SDHAF2: variants seen among roughly 807,000 people sequenced by gnomAD.
SDHAF2 encodes succinate dehydrogenase assembly factor 2, mitochondrial.
Under a neutral mutation model 18.5 loss-of-function variants are expected in SDHAF2, and 21 were observed. The ratio of observed to expected loss-of-function variants is 1.13; its 90% CI spans 0.80 to 1.63. SDHAF2 has a LOEUF of 1.63. Among genes scored for constraint, SDHAF2 ranks in the 40% most tolerant of loss-of-function variants. SDHAF2 has a pLI of 0.00. For synonymous variants in SDHAF2, 84 were observed against 70.7 expected, an observed-to-expected ratio of 1.19 and a Z score of -0.94; for missense variants, 195 against 200.3, an observed-to-expected ratio of 0.97 and a Z score of 0.16.
At chr11:61,444,737 G>A (rs1862117551) in intron 3 of SDHAF2, among the ~76,000 whole-genome samples, 1 of 151,986 alleles carries the variant, frequency 6.6e-6, no homozygotes, top group Non-Finnish European at 1.5e-5. Context: ...AGTGAGACTC[G>A]TCTCAAACAA....
At chr11:61,431,567 T>C (rs1231842791) in intron 1 of SDHAF2, 2 of 152,228 alleles carry the variant, frequency 1.3e-5, no homozygotes, top group Non-Finnish European at 2.9e-5. Flanking sequence ...ATTTGTGAAT[T>C]TTCCACCTTT....
intron 1 of SDHAF2, chr11:61,431,901 A>G (rs1048114466): frequency 6.6e-6 from 1 of 152,340 alleles, no homozygotes; most frequent in Non-Finnish European, 1.5e-5. Flanking sequence ...CGTGTTAGCC[A>G]GGATGGTCTC....
At chr11:61,442,563 G>C (rs185031173) in intron 3 of SDHAF2, among the ~76,000 whole-genome samples, 26 of 152,206 alleles carry the variant, frequency 1.7e-4, no homozygotes, top group Admixed American at 1.5e-3. Flanking sequence ...GTAGGCATTT[G>C]ATATTTATCG....
In SDHAF2 at chr11:61,446,364, A is replaced by G. The variant is rs191484676; in HGVS notation, c.*293A>G. On this transcript the variant is annotated 3_prime_UTR_variant, in exon 4 of 4. Transcript: ENST00000301761. ...AGAGGCAAGTCTGCCACGAGAGGGC[A>G]CTGCAGGCGAAGCAGTTGTGCTTGC... is the stretch of plus-strand genomic sequence containing the variant. 129 of 599,958 alleles carry G rather than the reference A, an allele frequency of 2.2e-4. No homozygotes were observed. In the African/African-American group the frequency reaches 2.2e-3, roughly 10 times the overall value. The allele number at this position is 599,958 out of a possible 1,614,324, so 37.2% of individuals were successfully genotyped here. A position where few individuals can be genotyped will look rare whatever the true frequency, so the allele number is the denominator to read the frequency against.
intron 1 of SDHAF2, chr11:61,430,444 C>T: frequency 1.8e-6 from 1 of 559,872 alleles, no homozygotes; most frequent in South Asian, 2.4e-5. Flanking sequence ...ACCTACGTCC[C>T]AGGCGGGATT....
intron 1 of SDHAF2, chr11:61,433,659 A>G (rs1861960875): frequency 6.6e-6 from 1 of 152,222 alleles, no homozygotes; most frequent in South Asian, 2.1e-4. Flanking sequence ...GCCCAGTCCT[A>G]GAGATTCTCA....
intron 1 of SDHAF2, chr11:61,437,017 G>A: frequency 8.6e-7 from 1 of 1,169,406 alleles, no homozygotes; most frequent in South Asian, 1.7e-5. Flanking sequence ...GCAAAGGAAG[G>A]AAAAATTATT....
intron 3 of SDHAF2, among the ~76,000 whole-genome samples, chr11:61,439,999 T>C (rs1862042643): frequency 6.6e-6 from 1 of 152,180 alleles, no homozygotes; most frequent in South Asian, 2.1e-4. Flanking sequence ...AGTGTATATG[T>C]TTAACTTTAT....
chr11:61,438,513 T>G (rs764569930), intron 3 of SDHAF2, among the ~76,000 whole-genome samples: 4 of 152,236 alleles, frequency 2.6e-5, no homozygotes, highest in Non-Finnish European at 4.4e-5. Flanking sequence ...ATTTTTTTCT[T>G]TTATTCATGA....
At chr11:61,439,820 A>G (rs993585859) in intron 3 of SDHAF2, among the ~76,000 whole-genome samples, 101 of 152,324 alleles carry the variant, frequency 6.6e-4, no homozygotes, top group African/African-American at 2.2e-3. Flanking sequence ...GTGTGGATGT[A>G]CCATGGTCTG....
intron 3 of SDHAF2, among the ~76,000 whole-genome samples, chr11:61,444,936 CATA>C (rs892496988): frequency 1.3e-5 from 2 of 152,022 alleles, no homozygotes; most frequent in African/African-American, 4.8e-5. Flanking sequence ...TGAGAAAAGT[CATA>C]ATATTTGTAA....
intron 1 of SDHAF2, 195 bp downstream of exon 1, chr11:61,430,377 G>A (rs1861852909): frequency 4.5e-6 from 3 of 664,312 alleles, no homozygotes; most frequent in East Asian, 2.7e-5. Flanking sequence ...ACTGTGTGCC[G>A]GTCTGGAAAT....
rs376497649 is a variant in SDHAF2 at position 61,442,929 on chromosome 11, T to C, written c.371-3012T>C. 1.6e-3 allele frequency among the ~76,000 whole-genome samples: 249 copies of C among 152,316 alleles called. 6 individuals carry two copies. The South Asian group carries it at 0.049, about 30-fold the overall frequency. ...CCGCCATGCCTGGCTAATTTTTTTG[T>C]ATTTTTCACAGAGACGGGTTTCACC... On this transcript the variant is annotated intron_variant, in intron 3 of 3. Transcript: ENST00000301761.
In SDHAF2 at chr11:61,437,673, A is replaced by T; in HGVS notation, c.85A>T (p.Thr29Ser). The change falls in exon 2 of 4, where the codon ACA (threonine) becomes TCA (serine). Residue 29 changes from threonine (T) to serine (S), a missense_variant. Transcript: ENST00000301761. ...HSLLSPLLSV[T>S]SFRRFYRGDS... ...CCTATTGTCTCCTTTGCTCAGTGTG[A>T]CATCATTCAGACGCTTCTACAGAGG... 6.2e-7 allele frequency: 1 copy of T among 1,614,208 alleles called. No individual in the cohort carries two copies. Among genetic ancestry groups the T allele is most frequent in the Middle Eastern group, 1.6e-4 (1 of 6,062 alleles).
chr11:61,441,685 A>G (rs964206357), intron 3 of SDHAF2, among the ~76,000 whole-genome samples: 1 of 152,138 alleles, frequency 6.6e-6, no homozygotes, highest in Non-Finnish European at 1.5e-5. Context: ...TTGGTGTTCC[A>G]CATCTTTACC....
At position 61,446,212 on chromosome 11, in the gene SDHAF2, C is replaced by A; in HGVS notation, c.*141C>A. The A allele has an allele frequency of 1.1e-6, 1 of 888,102 alleles. No individual in the cohort carries two copies. Among genetic ancestry groups the A allele is most frequent in the Non-Finnish European group, 1.9e-6 (1 of 535,300 alleles). 55.0% of individuals were successfully genotyped at this position (888,102 alleles called of 1,614,324 possible). On this transcript the variant is annotated 3_prime_UTR_variant, in exon 4 of 4. Transcript: ENST00000301761. Reference sequence around the variant, plus strand: ...GTCCTGCCTCAAGTGATGGACATAACCCTCTCCTAGGACATACATGTAAAT... The same window carrying A: ...GTCCTGCCTCAAGTGATGGACATAAACCTCTCCTAGGACATACATGTAAAT...
intron 3 of SDHAF2, among the ~76,000 whole-genome samples, chr11:61,442,583 G>T (rs1288540988): frequency 6.6e-6 from 1 of 152,046 alleles, no homozygotes; most frequent in African/African-American, 2.4e-5. Context: ...GTGCTTTTGG[G>T]TTCTCTGGGC....
intron 3 of SDHAF2, among the ~76,000 whole-genome samples, chr11:61,441,625 T>G (rs1172938675): frequency 6.6e-6 from 1 of 151,922 alleles, no homozygotes; most frequent in Non-Finnish European, 1.5e-5. Flanking sequence ...AAGGCAAAAC[T>G]TACAGGGACA....
At chr11:61,434,568 G>A (rs1271585074) in intron 1 of SDHAF2, 2 of 141,970 alleles carry the variant, frequency 1.4e-5, no homozygotes, top group Non-Finnish European at 3.0e-5. Context: ...AGTCCCTAAG[G>A]CTTTCTTCAC....
Sources: gnomAD v4.1 joint callset for allele counts (sites outside exome capture counted in the v4.1 genomes callset) on GRCh38, gnomAD v4.1.1 for gene constraint, MANE v1.5 for transcripts, NCBI Gene and HGNC (gene_info 2026-07-23, HGNC 2026-07-21) for gene names.